Variants in S100Z observed in about 807,000 individuals in gnomAD.
The protein encoded by S100Z is protein S100-Z.
A neutral mutation model predicts 8.5 loss-of-function variants in S100Z; 11 were observed. That is an observed-to-expected ratio of 1.30 (90% CI 0.82 to 2.15). S100Z has a LOEUF of 2.15. Among genes scored for constraint, S100Z ranks in the 30% most tolerant of loss-of-function variants. The pLI is 0.00. For missense variants in S100Z, 126 were observed against 117.9 expected, an observed-to-expected ratio of 1.07 and a Z score of -0.32; for synonymous variants, 34 against 43.8, an observed-to-expected ratio of 0.78 and a Z score of 0.89.
chr5:76,904,566 T>G (rs1478623817), intron 4 of S100Z, among the ~76,000 whole-genome samples: 1 of 152,204 alleles, frequency 6.6e-6, no homozygotes, highest in Non-Finnish European at 1.5e-5. Flanking sequence ...AACACACATT[T>G]CTTTACAAGT....
chr5:76,904,689 C>A (rs1466754943), intron 4 of S100Z, among the ~76,000 whole-genome samples: 1 of 151,884 alleles, frequency 6.6e-6, no homozygotes, highest in Non-Finnish European at 1.5e-5. Flanking sequence ...CAGGTGTATA[C>A]CACCATGCCT....
In S100Z at chr5:76,883,028, A is replaced by C. The variant is rs1296824028; in HGVS notation, c.*2+5194A>C. The stretch of plus-strand genomic sequence containing the variant: ...GCTTGTCTTGTTTTAGGACAGGTAA[A>C]ATGGGGGAATTGTAGGGAGAGTTTA... On this transcript the variant is annotated intron_variant, in intron 4 of 4. Coordinates refer to ENST00000317593, the MANE Select transcript of S100Z (RefSeq NM_130772.4). 2.0e-5 allele frequency among the ~76,000 whole-genome samples: 3 copies of C among 152,242 alleles called. No individual in the cohort carries two copies. The South Asian group carries it at 6.2e-4, about 32-fold the overall frequency.
chr5:76,882,289 A>C (rs949806752), intron 4 of S100Z, among the ~76,000 whole-genome samples: 4 of 152,204 alleles, frequency 2.6e-5, no homozygotes, highest in African/African-American at 9.7e-5. Context: ...TAAAACAGTA[A>C]GGTCAAGTTG....
chr5:76,863,690 C>A (rs1048450039), intron 1 of S100Z, among the ~76,000 whole-genome samples: 4 of 151,932 alleles, frequency 2.6e-5, no homozygotes, highest in African/African-American at 4.9e-5. Flanking sequence ...AGGCACCCGC[C>A]ACCACACCCA....
At chr5:76,863,689 C>G (rs561870312) in intron 1 of S100Z, among the ~76,000 whole-genome samples, 3 of 151,952 alleles carry the variant, frequency 2.0e-5, no homozygotes, top group Non-Finnish European at 4.4e-5. Context: ...CAGGCACCCG[C>G]CACCACACCC....
At chr5:76,910,689 G>A (rs776394638) in intron 4 of S100Z, among the ~76,000 whole-genome samples, 7 of 152,166 alleles carry the variant, frequency 4.6e-5, no homozygotes, top group Admixed American at 6.5e-5. Context: ...CAGGACTGAG[G>A]GTGCCTGGGG....
chr5:76,907,966 A>G (rs550725362), intron 4 of S100Z, among the ~76,000 whole-genome samples: 1 of 152,172 alleles, frequency 6.6e-6, no homozygotes, highest in Non-Finnish European at 1.5e-5. Context: ...ACTTCTCTAC[A>G]AAAAATACAA....
rs760361910 is a variant in S100Z at position 76,870,534 on chromosome 5, GGATGTA to G, written c.-57+253_-57+258del. Among the ~76,000 whole-genome samples, 272 of 152,268 alleles carry G rather than the reference GGATGTA, an allele frequency of 1.8e-3. 3 individuals carry two copies. The highest frequency in any genetic ancestry group is 1.5e-3 in the Non-Finnish European group (104 of 68,016). Reference sequence around the variant, plus strand: ...GAACCCCTCTGAAGGGCTGCTCCCAGGATGTAGACCTTGGTCTATAGTCCTCAGTAA... The same window carrying G: ...GAACCCCTCTGAAGGGCTGCTCCCAGGACCTTGGTCTATAGTCCTCAGTAA... On this transcript the variant is annotated intron_variant, in intron 2 of 4. Coordinates refer to ENST00000317593, the MANE Select transcript of S100Z (RefSeq NM_130772.4).
the S100Z span, among the ~76,000 whole-genome samples, chr5:76,937,236 T>C: frequency 6.7e-6 from 1 of 149,394 alleles, no homozygotes; most frequent in Non-Finnish European, 1.5e-5. Context: ...GTAGGTGATA[T>C]AACCAAAAGA....
intron 4 of S100Z, among the ~76,000 whole-genome samples, chr5:76,913,692 CA>C (rs1744749138): frequency 6.6e-6 from 1 of 152,240 alleles, no homozygotes; most frequent in Admixed American, 6.5e-5. Flanking sequence ...CCTTACTCTA[CA>C]ATCCCAAATA....
At chr5:76,897,408 A>C (rs1442693733) in intron 4 of S100Z, among the ~76,000 whole-genome samples, 3 of 151,934 alleles carry the variant, frequency 2.0e-5, no homozygotes, top group Admixed American at 6.6e-5. Flanking sequence ...GTGCCACTGC[A>C]CTCCAGCCTG....
intron 4 of S100Z, among the ~76,000 whole-genome samples, chr5:76,906,185 G>A (rs1037653586): frequency 5.9e-5 from 9 of 152,170 alleles, no homozygotes; most frequent in African/African-American, 2.2e-4. Flanking sequence ...TGACAAAATT[G>A]TACATATATA....
intron 1 of S100Z, among the ~76,000 whole-genome samples, chr5:76,866,949 G>A (rs1331661527): frequency 6.6e-6 from 1 of 151,422 alleles, no homozygotes; most frequent in Non-Finnish European, 1.5e-5. Context: ...AATTTTTTTT[G>A]CATTTTTGTA....
At chr5:76,912,955 GAA>G (rs1372571740) in intron 4 of S100Z, among the ~76,000 whole-genome samples, 1 of 149,540 alleles carries the variant, frequency 6.7e-6, no homozygotes, top group East Asian at 2.0e-4. Context: ...TCAGAGAGAG[GAA>G]GAGACAGACA....
chr5:76,918,770 T>G (rs186846754), intron 4 of S100Z, among the ~76,000 whole-genome samples: 55 of 152,344 alleles, frequency 3.6e-4, no homozygotes, highest in African/African-American at 1.3e-3. Flanking sequence ...GACAAATGCA[T>G]AGTGACACGT....
At chr5:76,885,138 G>GTT in intron 4 of S100Z, among the ~76,000 whole-genome samples, 1 of 152,312 alleles carries the variant, frequency 6.6e-6, no homozygotes, top group East Asian at 1.9e-4. Context: ...AAAATAAGGC[G>GTT]TTTAAGTTTT....
At chr5:76,933,716 C>A in the S100Z span, among the ~76,000 whole-genome samples, 3 of 152,132 alleles carry the variant, frequency 2.0e-5, no homozygotes, top group African/African-American at 7.2e-5. Context: ...CATGGCCACA[C>A]CTTTCATTTG....
chr5:76,914,121 A>G (rs1744770843), intron 4 of S100Z, among the ~76,000 whole-genome samples: 1 of 152,132 alleles, frequency 6.6e-6, no homozygotes, highest in South Asian at 2.1e-4. Context: ...TGGCCCTTCC[A>G]CTGGCCTAAA....
At chr5:76,927,841 C>T in the S100Z span, among the ~76,000 whole-genome samples, 1 of 152,100 alleles carries the variant, frequency 6.6e-6, no homozygotes, top group Non-Finnish European at 1.5e-5. Context: ...ATCCTCATTT[C>T]GTAGATAAGG....
Sources: gnomAD v4.1 joint callset for allele counts (sites outside exome capture counted in the v4.1 genomes callset) on GRCh38, gnomAD v4.1.1 for gene constraint, MANE v1.5 for transcripts, NCBI Gene and HGNC (gene_info 2026-07-23, HGNC 2026-07-21) for gene names.